NR3C2: variants seen among roughly 807,000 people sequenced by gnomAD.
NR3C2 encodes the protein nuclear receptor subfamily 3 group C member 2.
In NR3C2, 15 loss-of-function variants were observed where a neutral mutation model predicts 86.4. The observed-to-expected ratio is 0.17, with a 90% CI of 0.12 to 0.27. NR3C2 has a LOEUF of 0.27. NR3C2 is among the 10% of genes least tolerant of loss of function. The pLI is 1.00. For synonymous variants in NR3C2, 458 were observed against 450.5 expected (o/e 1.02, Z -0.21); for missense variants, 960 against 1,195.6 (o/e 0.80, Z 2.91).
chr4:148,257,095 T>C (rs1739870141), intron 3 of NR3C2, among the ~76,000 whole-genome samples: 1 of 152,170 alleles, frequency 6.6e-6, no homozygotes, highest in Non-Finnish European at 1.5e-5. Flanking sequence ...CCTGGTGCCA[T>C]TATTTCCTTT....
At chr4:148,273,678 G>A (rs1289399297) in intron 2 of NR3C2, among the ~76,000 whole-genome samples, 1 of 152,156 alleles carries the variant, frequency 6.6e-6, no homozygotes, top group South Asian at 2.1e-4. Flanking sequence ...ACACAGACAC[G>A]AGAAGGAACA....
intron 3 of NR3C2, among the ~76,000 whole-genome samples, chr4:148,247,803 C>T (rs1739389602): frequency 6.6e-6 from 1 of 151,904 alleles, no homozygotes; most frequent in Non-Finnish European, 1.5e-5. Context: ...CAAATTGGCT[C>T]TAGCCCTTTT....
chr4:148,439,212 A>G (rs1750215813), intron 1 of NR3C2, among the ~76,000 whole-genome samples: 1 of 152,188 alleles, frequency 6.6e-6, no homozygotes, highest in Admixed American at 6.5e-5. Context: ...AAATAGCAGT[A>G]AATATTATAT....
At chr4:148,236,690 C>T (rs1183337206) in intron 3 of NR3C2, among the ~76,000 whole-genome samples, 1 of 152,142 alleles carries the variant, frequency 6.6e-6, no homozygotes, top group East Asian at 1.9e-4. Context: ...TCATGGTCAT[C>T]ACTGATAAGG....
intron 2 of NR3C2, among the ~76,000 whole-genome samples, chr4:148,349,580 C>T (rs72656835): frequency 6.6e-6 from 1 of 152,050 alleles, no homozygotes; most frequent in African/African-American, 2.4e-5. Context: ...CCTGGACTGA[C>T]GACTAAGCAA....
intron 4 of NR3C2, among the ~76,000 whole-genome samples, chr4:148,169,143 C>T (rs1735010163): frequency 6.6e-6 from 1 of 152,194 alleles, no homozygotes; most frequent in Non-Finnish European, 1.5e-5. Flanking sequence ...ATGAATAGAT[C>T]TACGATGACC....
chr4:148,096,981 A>G (rs1002644729), intron 8 of NR3C2, among the ~76,000 whole-genome samples: 2 of 152,244 alleles, frequency 1.3e-5, no homozygotes, highest in African/African-American at 4.8e-5. Context: ...TAAATCAAGT[A>G]TACAATGTCT....
intron 2 of NR3C2, among the ~76,000 whole-genome samples, chr4:148,401,179 CA>C (rs1222906524): frequency 6.6e-6 from 1 of 152,166 alleles, no homozygotes; most frequent in African/African-American, 2.4e-5. Flanking sequence ...CCATGTGAAC[CA>C]ACTAGATGAG....
intron 2 of NR3C2, among the ~76,000 whole-genome samples, chr4:148,300,808 G>A (rs945586905): frequency 6.6e-6 from 1 of 152,092 alleles, no homozygotes; most frequent in Non-Finnish European, 1.5e-5. Context: ...CTGACCTCAG[G>A]TAATCCACCC....
At chr4:148,349,646 GAA>G (rs67696981) in intron 2 of NR3C2, among the ~76,000 whole-genome samples, 1 of 151,902 alleles carries the variant, frequency 6.6e-6, no homozygotes, top group Non-Finnish European at 1.5e-5. Flanking sequence ...GTGGCTTGGG[GAA>G]AAAAAAATTC....
intron 2 of NR3C2, among the ~76,000 whole-genome samples, chr4:148,397,111 T>G (rs1747897115): frequency 1.3e-5 from 2 of 152,228 alleles, no homozygotes; most frequent in Admixed American, 6.5e-5. Flanking sequence ...CAACAGCTGC[T>G]TTCACTCAAC....
chr4:148,268,528 G>C (rs1328172109), intron 2 of NR3C2, among the ~76,000 whole-genome samples: 1 of 152,110 alleles, frequency 6.6e-6, no homozygotes, highest in Non-Finnish European at 1.5e-5. Flanking sequence ...TAAATACCTT[G>C]GAAAATAATT....
chr4:148,386,766 C>G (rs372549359), intron 2 of NR3C2, among the ~76,000 whole-genome samples: 2 of 152,172 alleles, frequency 1.3e-5, no homozygotes, highest in African/African-American at 2.4e-5. Context: ...AGAGAAAGGA[C>G]CACAGAATGT....
chr4:148,169,854 G>A (rs1560957740), intron 4 of NR3C2, among the ~76,000 whole-genome samples: 2 of 152,192 alleles, frequency 1.3e-5, no homozygotes, highest in Admixed American at 6.5e-5. Context: ...GTGGAGGCTG[G>A]GAGTCTTCAT....
chr4:148,104,342 G>T lies in NR3C2; in HGVS notation c.2799+9762C>A, dbSNP rs73853739. Among the ~76,000 whole-genome samples, 298 of 63,732 alleles carry T rather than the reference G, an allele frequency of 4.7e-3. 1 individual carries two copies. The highest frequency in any genetic ancestry group is 0.013 in the African/African-American group (239 of 18,060). The allele number at this position is 63,732 out of a possible 152,430, so 41.8% of individuals were successfully genotyped here. On this transcript the variant is annotated intron_variant, in intron 8 of 8. Transcript: ENST00000358102. ...GTTTGTTTTTTTGTGTTTTGGTTTGGTTTTTTTTTTTTTTTTTTTTGCATA... is the reference window on the plus strand; with the variant it reads ...GTTTGTTTTTTTGTGTTTTGGTTTGTTTTTTTTTTTTTTTTTTTTTGCATA...
At chr4:148,339,383 A>G (rs1030285794) in intron 2 of NR3C2, among the ~76,000 whole-genome samples, 3 of 152,204 alleles carry the variant, frequency 2.0e-5, no homozygotes, top group African/African-American at 7.2e-5. Flanking sequence ...CTCTAAAATG[A>G]TGGAGATGAC....
rs984029383 is a variant in NR3C2, at chr4:148,079,309, A to C, written c.*2035T>G. The C allele has an allele frequency of 6.6e-6, 1 of 152,180 alleles. No homozygotes were observed. The highest frequency in any genetic ancestry group is 1.5e-5 in the Non-Finnish European group (1 of 68,032). The allele number at this position is 152,180 out of a possible 1,614,324, so 9.4% of individuals were successfully genotyped here. ...CTATAAATTAAATTCCTGAAATTGC[A>C]AATTATGTAAGAAAAACTCCTCCCT... is the stretch of plus-strand genomic sequence containing the variant. On this transcript the variant is annotated 3_prime_UTR_variant, in exon 9 of 9. Transcript: ENST00000358102.
At chr4:148,399,881 A>T (rs1292722328) in intron 2 of NR3C2, among the ~76,000 whole-genome samples, 1 of 152,230 alleles carries the variant, frequency 6.6e-6, no homozygotes, top group Admixed American at 6.5e-5. Context: ...AATCTGGCAC[A>T]GCTCACTGTG....
At position 148,080,325 on chromosome 4, in the gene NR3C2, G is replaced by C. The variant is rs987993546; in HGVS notation, c.*1019C>G. The C allele has an allele frequency of 4.6e-5, 7 of 152,678 alleles. No homozygotes were observed. Among genetic ancestry groups the C allele is most frequent in the African/African-American group, 1.7e-4 (7 of 41,456 alleles). 9.5% of individuals were successfully genotyped at this position (152,678 alleles called of 1,614,324 possible). On this transcript the variant is annotated 3_prime_UTR_variant, in exon 9 of 9. Coordinates refer to ENST00000358102, the MANE Select transcript of NR3C2 (RefSeq NM_000901.5). ...TTTCAAGACAACCGAAGAGGTTTCAGTGTGGTTATTTACAACAGAGACTGT... is the reference window on the plus strand; with the variant it reads ...TTTCAAGACAACCGAAGAGGTTTCACTGTGGTTATTTACAACAGAGACTGT...
Sources: gnomAD v4.1 joint callset for allele counts (sites outside exome capture counted in the v4.1 genomes callset) on GRCh38, gnomAD v4.1.1 for gene constraint, MANE v1.5 for transcripts, NCBI Gene and HGNC (gene_info 2026-07-23, HGNC 2026-07-21) for gene names.